DENND4A: variants seen among roughly 807,000 people sequenced by gnomAD.
The protein encoded by DENND4A is C-myc promoter-binding protein.
Under a neutral mutation model 199.3 loss-of-function variants are expected in DENND4A, and 70 were observed. That is an observed-to-expected ratio of 0.35 (90% confidence interval 0.29 to 0.43). The LOEUF (loss-of-function observed/expected upper bound fraction) is 0.43. DENND4A is among the 20% of genes least tolerant of loss of function. The pLI, the probability that DENND4A is intolerant of heterozygous loss-of-function variation, is 1.00. For missense variants in DENND4A, 1,723 were observed against 2,255.8 expected (o/e 0.76, Z 4.78); for synonymous variants, 686 against 766.9 (o/e 0.89, Z 1.74).
chr15:65,666,048 CGA>C (rs2076025352), intron 29 of DENND4A, among the ~76,000 whole-genome samples: 1 of 152,088 alleles, frequency 6.6e-6, no homozygotes, highest in Admixed American at 6.5e-5. Flanking sequence ...AAAGGAATGA[CGA>C]GAGTGGTAGC....
intron 31 of DENND4A, 52 bp downstream of exon 31, chr15:65,664,508 C>T (rs1331189096): frequency 3.2e-6 from 5 of 1,567,810 alleles, no homozygotes; most frequent in Non-Finnish European, 4.4e-6. Context: ...ACTAAGCAAA[C>T]AATATGAATC....
At chr15:65,791,538 C>T (rs532374051) in intron 1 of DENND4A, among the ~76,000 whole-genome samples, 1 of 151,826 alleles carries the variant, frequency 6.6e-6, no homozygotes, top group Non-Finnish European at 1.5e-5. Context: ...TGCCCGCGGG[C>T]CGGGGAAGGC....
intron 14 of DENND4A, among the ~76,000 whole-genome samples, chr15:65,712,252 G>C (rs1278495046): frequency 6.6e-6 from 1 of 152,094 alleles, no homozygotes. Flanking sequence ...TGTCTACAAG[G>C]CTCTGAATGT....
chr15:65,751,701 A>C (rs1289875287), intron 4 of DENND4A, among the ~76,000 whole-genome samples: 2 of 152,192 alleles, frequency 1.3e-5, no homozygotes, highest in Non-Finnish European at 2.9e-5. Flanking sequence ...TCTTCATTGC[A>C]CTGTTTCAAG....
At chr15:65,778,748 T>A (rs1009785756) in intron 1 of DENND4A, among the ~76,000 whole-genome samples, 1 of 151,668 alleles carries the variant, frequency 6.6e-6, no homozygotes, top group South Asian at 2.1e-4. Flanking sequence ...TACAAAATTA[T>A]CTGGGCATGG....
intron 1 of DENND4A, among the ~76,000 whole-genome samples, chr15:65,784,812 T>C (rs1285637351): frequency 1.3e-5 from 2 of 151,980 alleles, no homozygotes; most frequent in Admixed American, 6.6e-5. Flanking sequence ...CCACTCAAAT[T>C]TGGGACTAAA....
chr15:65,720,947 T>A (rs917380936), intron 12 of DENND4A, among the ~76,000 whole-genome samples: 4 of 76,228 alleles, frequency 5.2e-5, no homozygotes, highest in Admixed American at 1.5e-4. Flanking sequence ...GTTTCATTGA[T>A]TATATATATA....
intron 14 of DENND4A, among the ~76,000 whole-genome samples, chr15:65,706,447 AACACACACACACACACACACACAC>A (rs77421887): frequency 1.0e-4 from 13 of 130,262 alleles, no homozygotes; most frequent in Non-Finnish European, 1.4e-4. Context: ...AGGGGAAAAT[AACACACACACACACACACACACAC>A]ACACACACAC....
Position 65,706,076 on chromosome 15 carries a change from C to A in DENND4A, c.2087+15G>T. 1 of 1,535,552 alleles carries A rather than the reference C, an allele frequency of 6.5e-7. No individual in the cohort carries two copies. Among genetic ancestry groups the A allele is most frequent in the South Asian group, 1.3e-5 (1 of 77,634 alleles). The stretch of plus-strand genomic sequence containing the variant: ...CTTCTCTCTTTCAATCTCAAACATT[C>A]TGCCTCTTGAATACCTGTACTGTAA... On this transcript the variant is annotated intron_variant, in intron 15 of 32. Transcript: ENST00000443035.
At chr15:65,701,702 C>G in intron 18 of DENND4A, 60 bp downstream of exon 18, 2 of 1,474,338 alleles carry the variant, frequency 1.4e-6, no homozygotes, top group Non-Finnish European at 1.9e-6. Flanking sequence ...ATTATTTCTG[C>G]CATTAATGTT....
intron 20 of DENND4A, among the ~76,000 whole-genome samples, chr15:65,699,525 T>C (rs2077273417): frequency 6.6e-6 from 1 of 151,114 alleles, no homozygotes; most frequent in Non-Finnish European, 1.5e-5. Context: ...TATACAATTC[T>C]ATATACACAT....
chr15:65,789,247 C>T (rs2077650748), intron 1 of DENND4A, among the ~76,000 whole-genome samples: 1 of 152,076 alleles, frequency 6.6e-6, no homozygotes, highest in South Asian at 2.1e-4. Context: ...AGTGCAGTGG[C>T]ACAATCATAA....
chr15:65,752,513 T>G lies in DENND4A; in HGVS notation c.427A>C (p.Thr143Pro). The G allele has an allele frequency of 6.2e-7, 1 of 1,613,660 alleles. No individual in the cohort carries two copies. Among genetic ancestry groups the G allele is most frequent in the Non-Finnish European group, 8.5e-7 (1 of 1,179,784 alleles). ...ATGTTTTCAGAGGCTCTTCGGTAAGTGATATAAATTCTTTGTGATGAGGTA... is the reference window on the plus strand; with the variant it reads ...ATGTTTTCAGAGGCTCTTCGGTAAGGGATATAAATTCTTTGTGATGAGGTA... ...GSTSSQRIYITYRRASENMTQ... is the reference protein window; with the variant it reads ...GSTSSQRIYIPYRRASENMTQ... Residue 143 changes from threonine (T) to proline (P), a missense_variant, in exon 4 of 33, where the codon ACT (threonine) becomes CCT (proline). This residue lies in a region of DENND4A where 725 missense variants were observed against 952.9 expected (regional missense o/e 0.76). Coordinates refer to ENST00000443035, the MANE Select transcript of DENND4A (RefSeq NM_001320835.1).
At chr15:65,736,570 C>T (rs2140436983) in intron 7 of DENND4A, among the ~76,000 whole-genome samples, 1 of 151,814 alleles carries the variant, frequency 6.6e-6, no homozygotes, top group East Asian at 1.9e-4. Context: ...CTGCCCAGAC[C>T]AATAGATTTT....
rs1165176547 is a variant in DENND4A at position 65,703,008 on chromosome 15, G to C, written c.2088C>G (p.Ser696Arg). The part of the protein sequence containing the change: ...PNGEEPPLQY[S>R]YNGFPVLRNN... ...TCCTAAGAACTGGAAATCCATTATA[G>C]CTGTTTTAGAAAAAACAAAACAAAA... The change falls in exon 16 of 33, where the codon AGC becomes AGG. Residue 696 changes from serine (S) to arginine (R), a missense_variant and splice_region_variant. Physicochemically the swap from Ser to Arg is moderately radical, Grantham distance 110 (BLOSUM62 -1). Around this residue, in one of 6 missense-constraint regions of DENND4A, gnomAD observed 725 missense variants for 952.9 expected, o/e 0.76. Transcript: ENST00000443035. 19 of 1,610,312 alleles carry C rather than the reference G, an allele frequency of 1.2e-5. No homozygotes were observed. The South Asian group carries it at 2.1e-4, about 18-fold the overall frequency.
chr15:65,731,415 G>A (rs2075954536), intron 9 of DENND4A: 3 of 551,658 alleles, frequency 5.4e-6, no homozygotes, highest in Non-Finnish European at 1.0e-5. Context: ...TTACACAATA[G>A]TAGGTATTTG....
At chr15:65,715,336 C>A in intron 14 of DENND4A, 142 bp downstream of exon 14, 1 of 779,702 alleles carries the variant, frequency 1.3e-6, no homozygotes, top group Non-Finnish European at 1.9e-6. Flanking sequence ...AGCAGGCTAC[C>A]AAAACTTTCA....
At chr15:65,700,303 T>C (rs1283052661) in intron 20 of DENND4A, among the ~76,000 whole-genome samples, 3 of 152,130 alleles carry the variant, frequency 2.0e-5, no homozygotes, top group Non-Finnish European at 4.4e-5. Flanking sequence ...TGGATTATCA[T>C]ATACTAAATA....
At chr15:65,692,295 T>C (rs1314710048) in intron 22 of DENND4A, among the ~76,000 whole-genome samples, 1 of 152,192 alleles carries the variant, frequency 6.6e-6, no homozygotes, top group East Asian at 1.9e-4. Flanking sequence ...ACCAGTCAAA[T>C]GTTAATGGCC....
Sources: gnomAD v4.1 joint callset for allele counts (sites outside exome capture counted in the v4.1 genomes callset) on GRCh38, gnomAD v4.1.1 for gene constraint, gnomAD v4.1.1 regional missense constraint, MANE v1.5 for transcripts, NCBI Gene and HGNC (gene_info 2026-07-23, HGNC 2026-07-21) for gene names.